LHFPL3: variants seen among roughly 807,000 people sequenced by gnomAD.
LHFPL3 encodes the protein LHFPL tetraspan subfamily member 3 protein.
Under a neutral mutation model 19.3 loss-of-function variants are expected in LHFPL3, and 5 were observed. The observed-to-expected ratio is 0.26, with a 90% CI of 0.14 to 0.54. The LOEUF is 0.54. Among genes scored for constraint, LHFPL3 ranks in the 20% least tolerant of loss-of-function variants. The pLI is 0.94. For synonymous variants in LHFPL3, 133 were observed against 126.2 expected (o/e 1.05, Z -0.36); for missense variants, 249 against 307.4 (o/e 0.81, Z 1.42).
chr7:104,833,049 T>TAATAG lies in LHFPL3; in HGVS notation c.683-73137_683-73136insATAGA, dbSNP rs1791002012. Among the ~76,000 whole-genome samples the TAATAG allele has an allele frequency of 1.5e-4, 5 of 32,430 alleles. 1 individual carries two copies. Among genetic ancestry groups the TAATAG allele is most frequent in the African/African-American group, 5.3e-4 (5 of 9,490 alleles). The allele number at this position is 32,430 out of a possible 152,430, so 21.3% of individuals were successfully genotyped here. ...AGATATATTATATATATATATTATA[T>TAATAG]ATATATTATATATAATATATATATT... On this transcript the variant is annotated intron_variant, in intron 2 of 2. Coordinates refer to ENST00000424859, the MANE Select transcript of LHFPL3 (RefSeq NM_199000.3).
chr7:104,900,809 G>T (rs985799233), intron 2 of LHFPL3, among the ~76,000 whole-genome samples: 2 of 152,194 alleles, frequency 1.3e-5, no homozygotes, highest in African/African-American at 4.8e-5. Flanking sequence ...TTTGCAAAGA[G>T]CCCTTTGGAA....
At chr7:104,708,799 T>C (rs976033454) in intron 1 of LHFPL3, among the ~76,000 whole-genome samples, 1 of 152,184 alleles carries the variant, frequency 6.6e-6, no homozygotes, top group Non-Finnish European at 1.5e-5. Context: ...CTTGATAGCC[T>C]CTGTCTCCCT....
chr7:104,330,947 A>G (rs1411017624), intron 1 of LHFPL3, among the ~76,000 whole-genome samples: 1 of 152,232 alleles, frequency 6.6e-6, no homozygotes, highest in African/African-American at 2.4e-5. Flanking sequence ...TCTAAGTTAA[A>G]TGACCTATTT....
At chr7:104,548,554 G>C (rs1001722126) in intron 1 of LHFPL3, among the ~76,000 whole-genome samples, 7 of 151,994 alleles carry the variant, frequency 4.6e-5, no homozygotes, top group Admixed American at 4.6e-4. Context: ...CCTTAAAATA[G>C]AGTATTATAT....
At chr7:104,676,361 G>T (rs1248078660) in intron 1 of LHFPL3, among the ~76,000 whole-genome samples, 3 of 152,196 alleles carry the variant, frequency 2.0e-5, no homozygotes, top group African/African-American at 7.2e-5. Flanking sequence ...GAACAAGTAT[G>T]AAGTCAGGAA....
At chr7:104,797,179 A>G (rs1026905216) in intron 2 of LHFPL3, among the ~76,000 whole-genome samples, 2 of 152,158 alleles carry the variant, frequency 1.3e-5, no homozygotes, top group African/African-American at 2.4e-5. Context: ...AAAGTCAGCA[A>G]TCTCCTAGGA....
intron 1 of LHFPL3, among the ~76,000 whole-genome samples, chr7:104,596,322 C>A (rs368376391): frequency 2.1e-4 from 32 of 152,342 alleles, no homozygotes; most frequent in African/African-American, 7.7e-4. Flanking sequence ...GTCCAAGACC[C>A]ATCTTAATAG....
intron 2 of LHFPL3, among the ~76,000 whole-genome samples, chr7:104,860,396 T>C (rs533850312): frequency 1.3e-5 from 2 of 152,302 alleles, no homozygotes; most frequent in African/African-American, 4.8e-5. Flanking sequence ...TGAGTCTCTG[T>C]TTATCAAAGG....
chr7:104,459,748 A>G (rs1472876722), intron 1 of LHFPL3, among the ~76,000 whole-genome samples: 2 of 152,228 alleles, frequency 1.3e-5, no homozygotes, highest in Admixed American at 1.3e-4. Flanking sequence ...ATGGGATCCA[A>G]CATTTGAGTA....
chr7:104,510,395 G>C (rs1298143166), intron 1 of LHFPL3, among the ~76,000 whole-genome samples: 2 of 152,024 alleles, frequency 1.3e-5, no homozygotes, highest in Non-Finnish European at 2.9e-5. Flanking sequence ...CAGATCAATG[G>C]AACAAAATAG....
chr7:104,707,271 C>T (rs977017455), intron 1 of LHFPL3, among the ~76,000 whole-genome samples: 4 of 152,200 alleles, frequency 2.6e-5, no homozygotes, highest in African/African-American at 9.7e-5. Context: ...GGTTTTCTAA[C>T]CATCCAGTTC....
intron 1 of LHFPL3, among the ~76,000 whole-genome samples, chr7:104,400,992 C>G (rs1791302420): frequency 6.6e-6 from 1 of 152,152 alleles, no homozygotes; most frequent in Non-Finnish European, 1.5e-5. Context: ...ATAATGGAGT[C>G]CTATAGAAGT....
chr7:104,769,191 GT>G (rs1794508238), intron 2 of LHFPL3, among the ~76,000 whole-genome samples: 2 of 152,344 alleles, frequency 1.3e-5, no homozygotes, highest in Admixed American at 6.5e-5. Context: ...CACTCTTCAA[GT>G]TTGAGCAGAG....
intron 1 of LHFPL3, among the ~76,000 whole-genome samples, chr7:104,656,371 G>T (rs371506290): frequency 6.6e-6 from 1 of 152,108 alleles, no homozygotes; most frequent in African/African-American, 2.4e-5. Flanking sequence ...GGAAATACAA[G>T]CTAGAGTGGC....
chr7:104,740,136 G>C, intron 2 of LHFPL3, among the ~76,000 whole-genome samples: 1 of 152,146 alleles, frequency 6.6e-6, no homozygotes, highest in East Asian at 1.9e-4. Context: ...TGTGAAGAAG[G>C]ATGTATTTGC....
intron 1 of LHFPL3, among the ~76,000 whole-genome samples, chr7:104,532,722 A>G (rs1370419693): frequency 6.6e-6 from 1 of 152,204 alleles, no homozygotes; most frequent in Non-Finnish European, 1.5e-5. Context: ...CTGAAGGGGA[A>G]AAAATAGAAA....
At chr7:104,738,347 G>T (rs1401615282) in intron 2 of LHFPL3, among the ~76,000 whole-genome samples, 1 of 152,176 alleles carries the variant, frequency 6.6e-6, no homozygotes, top group Admixed American at 6.5e-5. Context: ...ATGTAGACAG[G>T]TCTCTGTCCA....
chr7:104,404,402 A>T (rs1791376047), intron 1 of LHFPL3, among the ~76,000 whole-genome samples: 1 of 152,230 alleles, frequency 6.6e-6, no homozygotes, highest in Non-Finnish European at 1.5e-5. Context: ...TATTTTTTAA[A>T]AACTGCTTAT....
At chr7:104,666,615 G>A (rs1243336109) in intron 1 of LHFPL3, among the ~76,000 whole-genome samples, 37 of 130,300 alleles carry the variant, frequency 2.8e-4, no homozygotes, top group East Asian at 7.5e-4. Flanking sequence ...TCCGCCTCCC[G>A]GGTTCACGCC....
Sources: allele counts gnomAD v4.1 joint callset (sites outside exome capture counted in the v4.1 genomes callset), GRCh38; gene constraint gnomAD v4.1.1; transcripts MANE v1.5; gene names NCBI Gene and HGNC (gene_info 2026-07-23, HGNC 2026-07-21).